CNTNAP2: variants seen among roughly 807,000 people sequenced by gnomAD.
CNTNAP2 encodes the protein contactin associated protein 2, also known as contactin-associated protein-like 2.
A neutral mutation model predicts 155.2 loss-of-function variants in CNTNAP2; 98 were observed. That is an observed-to-expected ratio of 0.63 (90% CI 0.54 to 0.75). CNTNAP2 has a LOEUF of 0.75. Among genes scored for constraint, CNTNAP2 ranks in the 30% least tolerant of loss-of-function variants. The pLI is 0.00. For synonymous variants in CNTNAP2, 651 were observed against 631.2 expected (o/e 1.03, Z -0.47); for missense variants, 1,727 against 1,688.1 (o/e 1.02, Z -0.40).
intron 3 of CNTNAP2, among the ~76,000 whole-genome samples, chr7:146,970,259 C>G (rs549209986): frequency 1.3e-5 from 2 of 152,236 alleles, no homozygotes; most frequent in Non-Finnish European, 2.9e-5. Flanking sequence ...AAACTACCAT[C>G]AGAGTGAACA....
intron 12 of CNTNAP2, among the ~76,000 whole-genome samples, chr7:147,620,097 G>C (rs991441161): frequency 2.6e-5 from 4 of 152,244 alleles, no homozygotes; most frequent in Admixed American, 6.5e-5. Flanking sequence ...ATGTCTATGA[G>C]TCTGCAAGAA....
intron 1 of CNTNAP2, among the ~76,000 whole-genome samples, chr7:146,129,362 T>A (rs1186135464): frequency 6.6e-6 from 1 of 152,204 alleles, no homozygotes; most frequent in Non-Finnish European, 1.5e-5. Flanking sequence ...TTCATTTATA[T>A]GTGTATAATT....
intron 14 of CNTNAP2, among the ~76,000 whole-genome samples, chr7:147,942,267 G>A (rs1443127186): frequency 1.3e-5 from 2 of 152,172 alleles, no homozygotes; most frequent in African/African-American, 4.8e-5. Flanking sequence ...TGAATCAGCA[G>A]CATGTCAGTA....
intron 11 of CNTNAP2, among the ~76,000 whole-genome samples, chr7:147,532,800 T>G (rs556983707): frequency 1.3e-5 from 2 of 152,086 alleles, no homozygotes; most frequent in Non-Finnish European, 2.9e-5. Flanking sequence ...ACCCATCAGA[T>G]CTCATGAGAC....
At chr7:148,051,250 T>C (rs1329764646) in intron 15 of CNTNAP2, among the ~76,000 whole-genome samples, 2 of 152,238 alleles carry the variant, frequency 1.3e-5, no homozygotes, top group African/African-American at 4.8e-5. Context: ...ATCATTTTTG[T>C]ATTAAGTTGG....
chr7:148,086,747 G>A lies in CNTNAP2; in HGVS notation c.2384-31371G>A, dbSNP rs567253577. Among the ~76,000 whole-genome samples the A allele has an allele frequency of 2.8e-4, 42 of 152,288 alleles. No homozygotes were observed. In the East Asian group the frequency reaches 7.9e-3, roughly 29 times the overall value. ...ACTAACTACCTGAGAGCAGCCAACT[G>A]CAGGATCTGTGTCAGGATCCAGCTG... is the stretch of plus-strand genomic sequence containing the variant. On this transcript the variant is annotated intron_variant, in intron 15 of 23. Transcript: ENST00000361727.
At chr7:147,971,123 C>T (rs1023379851) in intron 14 of CNTNAP2, among the ~76,000 whole-genome samples, 7 of 152,024 alleles carry the variant, frequency 4.6e-5, no homozygotes, top group Admixed American at 4.6e-4. Flanking sequence ...TTTTGTAGTC[C>T]CTGGTTCATA....
intron 1 of CNTNAP2, among the ~76,000 whole-genome samples, chr7:146,714,218 C>G (rs1484930683): frequency 6.6e-6 from 1 of 152,146 alleles, no homozygotes; most frequent in Non-Finnish European, 1.5e-5. Flanking sequence ...AGCTCTCACA[C>G]TTCATTTCAC....
At chr7:148,061,234 G>A (rs1803123789) in intron 15 of CNTNAP2, among the ~76,000 whole-genome samples, 1 of 147,024 alleles carries the variant, frequency 6.8e-6, no homozygotes. Context: ...GTTAGAAAGA[G>A]AATAATCAAA....
At chr7:147,851,549 T>G (rs1435729795) in intron 13 of CNTNAP2, among the ~76,000 whole-genome samples, 1 of 152,030 alleles carries the variant, frequency 6.6e-6, no homozygotes, top group Non-Finnish European at 1.5e-5. Context: ...TAGACTGGAT[T>G]AAGAAAATGT....
chr7:146,444,107 C>T (rs1229570876), intron 1 of CNTNAP2, among the ~76,000 whole-genome samples: 1 of 152,032 alleles, frequency 6.6e-6, no homozygotes, highest in African/African-American at 2.4e-5. Flanking sequence ...ACCTCGGCTC[C>T]CTGCAACCTC....
chr7:147,832,033 A>T (rs888419202), intron 13 of CNTNAP2, among the ~76,000 whole-genome samples: 1 of 151,728 alleles, frequency 6.6e-6, no homozygotes, highest in Admixed American at 6.6e-5. Flanking sequence ...AACATTTTTT[A>T]AGGAAATATT....
intron 16 of CNTNAP2, among the ~76,000 whole-genome samples, chr7:148,137,698 AAGG>A (rs1476896285): frequency 6.7e-6 from 1 of 148,726 alleles, no homozygotes; most frequent in Non-Finnish European, 1.5e-5. Flanking sequence ...GGAAGGAAGG[AAGG>A]AAGGAAGGAA....
Position 146,720,399 on chromosome 7 carries a change from C to T in CNTNAP2, c.98-53872C>T, listed in dbSNP as rs554893475. On this transcript the variant is annotated intron_variant, in intron 1 of 23. Transcript: ENST00000361727. ...TAGCCTCCCTAGAGAAGGCAATTAT[C>T]TATTATGCTTAGGGGACACAAAAGT... Among the ~76,000 whole-genome samples the T allele has an allele frequency of 1.1e-4, 17 of 152,208 alleles. No homozygotes were observed. The East Asian group carries it at 3.3e-3, about 29-fold the overall frequency.
At chr7:147,483,981 T>C (rs886099011) in intron 10 of CNTNAP2, among the ~76,000 whole-genome samples, 3 of 145,586 alleles carry the variant, frequency 2.1e-5, no homozygotes, top group African/African-American at 7.7e-5. Flanking sequence ...ATACAACTCT[T>C]CTTTTCAGGC....
chr7:146,471,098 C>T (rs925018685), intron 1 of CNTNAP2, among the ~76,000 whole-genome samples: 1 of 151,878 alleles, frequency 6.6e-6, no homozygotes, highest in African/African-American at 2.4e-5. Flanking sequence ...CATATTATTC[C>T]CCAAAAAGAG....
At chr7:146,748,248 C>T (rs907124161) in intron 1 of CNTNAP2, among the ~76,000 whole-genome samples, 3 of 150,794 alleles carry the variant, frequency 2.0e-5, no homozygotes, top group Admixed American at 2.0e-4. Context: ...CGGGTTCACG[C>T]CATTCTCCCG....
chr7:146,315,123 T>C (rs1487403277), intron 1 of CNTNAP2, among the ~76,000 whole-genome samples: 1 of 152,144 alleles, frequency 6.6e-6, no homozygotes, highest in Non-Finnish European at 1.5e-5. Flanking sequence ...GACTGACCTG[T>C]TAAAGGCCAA....
chr7:148,403,940 T>C (rs1328814551), intron 22 of CNTNAP2, among the ~76,000 whole-genome samples: 1 of 152,246 alleles, frequency 6.6e-6, no homozygotes, highest in African/African-American at 2.4e-5. Context: ...TTCTACAAGT[T>C]ATTTTCTAAC....
Sources: allele counts gnomAD v4.1 joint callset (sites outside exome capture counted in the v4.1 genomes callset), GRCh38; gene constraint gnomAD v4.1.1; transcripts MANE v1.5; gene names NCBI Gene and HGNC (gene_info 2026-07-23, HGNC 2026-07-21).